BRI3BP: variants seen among roughly 807,000 people sequenced by gnomAD.
The protein encoded by BRI3BP is BRI3 binding protein, also known as BRI3-binding protein.
In BRI3BP, 7 loss-of-function variants were observed where a neutral mutation model predicts 15.8. The observed-to-expected ratio is 0.44, with a 90% confidence interval of 0.25 to 0.83. BRI3BP has a LOEUF of 0.83. Ranked by LOEUF, BRI3BP falls within the 40% of genes least tolerant of loss-of-function variation. BRI3BP has a pLI of 0.20. For missense variants in BRI3BP, 320 were observed against 339.3 expected, an observed-to-expected ratio of 0.94 and a Z score of 0.45; for synonymous variants, 192 against 163.5, an observed-to-expected ratio of 1.17 and a Z score of -1.33.
intron 1 of BRI3BP, 122 bp downstream of exon 1, chr12:124,994,125 G>A: frequency 1.5e-6 from 1 of 664,308 alleles, no homozygotes; most frequent in Non-Finnish European, 2.0e-6. Flanking sequence ...GCGGGAAGAG[G>A]GGGTCCGGCC....
intron 2 of BRI3BP, among the ~76,000 whole-genome samples, chr12:125,019,064 G>A (rs1461561290): frequency 6.6e-6 from 1 of 152,152 alleles, no homozygotes; most frequent in East Asian, 1.9e-4. Context: ...CACCATGTTG[G>A]CCAGGCTGGT....
intron 2 of BRI3BP, among the ~76,000 whole-genome samples, chr12:125,022,541 A>ATTTATTTATTTATTTATTTTTTT: frequency 2.3e-3 from 321 of 139,396 alleles, no homozygotes; most frequent in African/African-American, 5.8e-3. Context: ...TTATTTATTT[A>ATTTATTTATTTATTTATTTTTTT]TTTTTTGAGA....
chr12:125,012,447 G>C, intron 1 of BRI3BP, 87 bp from the exon 2 acceptor site: 2 of 1,093,850 alleles, frequency 1.8e-6, no homozygotes, highest in South Asian at 2.5e-5. Context: ...TCCCTTCCCA[G>C]GTATAAACTC....
At chr12:125,034,761 T>C (rs933133953), downstream of BRI3BP, among the ~76,000 whole-genome samples, 1 of 152,140 alleles carries the variant, frequency 6.6e-6, no homozygotes, top group Non-Finnish European at 1.5e-5. Flanking sequence ...AGCTAATTTT[T>C]GTATTTTTAG....
At position 125,024,973 on chromosome 12, in the gene BRI3BP, C is replaced by G. The variant is rs1175910122; in HGVS notation, c.317-18C>G. On this transcript the variant is annotated intron_variant, in intron 2 of 2. Coordinates refer to ENST00000341446, the MANE Select transcript of BRI3BP (RefSeq NM_080626.6). ...GGCCCCTGCGTAACGAGCCCTGTTCCTCTTTTCTGTCCCGCAGTCTCCAAC... is the reference window on the plus strand; with the variant it reads ...GGCCCCTGCGTAACGAGCCCTGTTCGTCTTTTCTGTCCCGCAGTCTCCAAC... 15 of 1,599,212 alleles carry G rather than the reference C, an allele frequency of 9.4e-6. No homozygotes were observed. The highest frequency in any genetic ancestry group is 1.3e-5 in the Non-Finnish European group (15 of 1,169,910).
chr12:125,012,642 T>A lies in BRI3BP; in HGVS notation c.316+6T>A. ...GGATGTTCTTGGACTTGACGGTAGGTGTAGGGGTGGCATTCACGTAAGGTG... is the reference window on the plus strand; with the variant it reads ...GGATGTTCTTGGACTTGACGGTAGGAGTAGGGGTGGCATTCACGTAAGGTG... On this transcript the variant is annotated splice_donor_region_variant and intron_variant, in intron 2 of 2. Transcript: ENST00000341446. 1 of 1,585,464 alleles carries A rather than the reference T, an allele frequency of 6.3e-7. No homozygotes were observed. Among genetic ancestry groups the A allele is most frequent in the Non-Finnish European group, 8.7e-7 (1 of 1,154,102 alleles).
chr12:125,037,811 C>CAA, the BRI3BP span, among the ~76,000 whole-genome samples: 20 of 80,214 alleles, frequency 2.5e-4, no homozygotes, highest in African/African-American at 6.7e-4. Context: ...GACTCTGTCT[C>CAA]AAAAAAAAAA....
the BRI3BP span, among the ~76,000 whole-genome samples, chr12:125,045,220 C>T: frequency 6.6e-6 from 1 of 152,178 alleles, no homozygotes; most frequent in African/African-American, 2.4e-5. Flanking sequence ...GAGTGTAAAA[C>T]TGGCATCTAA....
chr12:125,012,110 G>A (rs184265432), intron 1 of BRI3BP, among the ~76,000 whole-genome samples: 12 of 152,224 alleles, frequency 7.9e-5, no homozygotes, highest in African/African-American at 2.9e-4. Flanking sequence ...CTTGAGCCCG[G>A]GAGTTTGAGG....
intron 1 of BRI3BP, among the ~76,000 whole-genome samples, chr12:125,008,857 C>G (rs1184595807): frequency 6.6e-6 from 1 of 152,194 alleles, no homozygotes; most frequent in African/African-American, 2.4e-5. Flanking sequence ...TAGACAGTTG[C>G]ATCTGTTCCT....
the BRI3BP span, among the ~76,000 whole-genome samples, chr12:125,040,042 T>G: frequency 6.6e-6 from 1 of 152,146 alleles, no homozygotes; most frequent in African/African-American, 2.4e-5. Flanking sequence ...GGCAGGCGGA[T>G]CACAAGGTCA....
rs990706441 is a variant in BRI3BP, at chr12:125,019,714, T to C, written c.317-5277T>C. 2.5e-4 allele frequency among the ~76,000 whole-genome samples: 38 copies of C among 149,412 alleles called. 1 individual carries two copies. The highest frequency in any genetic ancestry group is 9.4e-4 in the African/African-American group (38 of 40,258). ...CAGTGACAAACATGGCTCACATTTG[T>C]GGCTGGTGTTCTGTTCCTCTGAATT... On this transcript the variant is annotated intron_variant, in intron 2 of 2. Coordinates refer to ENST00000341446, the MANE Select transcript of BRI3BP (RefSeq NM_080626.6).
At chr12:125,023,532 G>C (rs1594538123) in intron 2 of BRI3BP, among the ~76,000 whole-genome samples, 2 of 152,272 alleles carry the variant, frequency 1.3e-5, no homozygotes, top group Admixed American at 1.3e-4. Flanking sequence ...CCCACTTCCA[G>C]AGGTGTTTTA....
chr12:125,043,520 C>A, the BRI3BP span, among the ~76,000 whole-genome samples: 1 of 151,854 alleles, frequency 6.6e-6, no homozygotes, highest in African/African-American at 2.4e-5. Context: ...CCAGCCTGGG[C>A]AAGATAATGA....
intron 1 of BRI3BP, among the ~76,000 whole-genome samples, chr12:124,998,651 C>T (rs548874333): frequency 6.6e-6 from 1 of 152,038 alleles, no homozygotes. Context: ...CTAGGGTTTC[C>T]TTTTGGGGTG....
chr12:125,017,862 C>T (rs1043346601), intron 2 of BRI3BP, among the ~76,000 whole-genome samples: 1 of 152,150 alleles, frequency 6.6e-6, no homozygotes, highest in Non-Finnish European at 1.5e-5. Context: ...TGTGTGGCTC[C>T]GGAAACTGGA....
chr12:125,023,364 G>T (rs1001479856), intron 2 of BRI3BP, among the ~76,000 whole-genome samples: 1 of 152,122 alleles, frequency 6.6e-6, no homozygotes, highest in African/African-American at 2.4e-5. Context: ...AAGAGGTAAA[G>T]GACACATTCC....
intron 1 of BRI3BP, among the ~76,000 whole-genome samples, chr12:125,002,897 G>T (rs978062931): frequency 1.3e-5 from 2 of 152,206 alleles, no homozygotes; most frequent in Non-Finnish European, 2.9e-5. Context: ...CCATATCGGG[G>T]CTCGTGGTGT....
chr12:125,012,589 C>T lies in BRI3BP; in HGVS notation c.269C>T (p.Thr90Ile). 2 of 1,613,444 alleles carry T rather than the reference C, an allele frequency of 1.2e-6. No homozygotes were observed. The highest frequency in any genetic ancestry group is 1.7e-6 in the Non-Finnish European group (2 of 1,179,456). ...CTGGGAGTGGATATGTTCGTGGAGACACTGTGGAAAGTCTGGACCGAGCTC... is the reference window on the plus strand; with the variant it reads ...CTGGGAGTGGATATGTTCGTGGAGATACTGTGGAAAGTCTGGACCGAGCTC... The part of the protein sequence containing the change: ...FVLGVDMFVE[T>I]LWKVWTELLD... Residue 90 changes from threonine (T) to isoleucine (I), a missense_variant, in exon 2 of 3, where the codon ACA (threonine) becomes ATA (isoleucine). Thr to Ile is a moderately conservative substitution (Grantham distance 89). Transcript: ENST00000341446.
Sources: allele counts gnomAD v4.1 joint callset (sites outside exome capture counted in the v4.1 genomes callset), GRCh38; gene constraint gnomAD v4.1.1; transcripts MANE v1.5; gene names NCBI Gene and HGNC (gene_info 2026-07-23, HGNC 2026-07-21).